Variants in ZNF236 observed in about 807,000 individuals in gnomAD.
ZNF236 encodes the protein regulated by glucose.
Under a neutral mutation model 191.2 loss-of-function variants are expected in ZNF236, and 50 were observed. The ratio of observed to expected loss-of-function variants is 0.26; its 90% CI spans 0.21 to 0.33. The LOEUF is 0.33. Ranked by LOEUF, ZNF236 falls within the 10% of genes least tolerant of loss-of-function variation. ZNF236 has a pLI of 1.00. For missense variants in ZNF236, 1,754 were observed against 2,374.5 expected, an observed-to-expected ratio of 0.74 and a Z score of 5.43; for synonymous variants, 907 against 928.8, an observed-to-expected ratio of 0.98 and a Z score of 0.43.
intron 1 of ZNF236, among the ~76,000 whole-genome samples, chr18:76,829,401 C>T (rs1299685710): frequency 1.3e-5 from 2 of 151,360 alleles, no homozygotes; most frequent in Non-Finnish European, 2.9e-5. Flanking sequence ...GATCTCGGCT[C>T]ACTGTAATCT....
intron 26 of ZNF236, among the ~76,000 whole-genome samples, chr18:76,942,517 T>A (rs1265966796): frequency 6.6e-6 from 1 of 151,836 alleles, no homozygotes; most frequent in African/African-American, 2.4e-5. Flanking sequence ...TTTATTTTTT[T>A]ATTATTTTTT....
intron 3 of ZNF236, among the ~76,000 whole-genome samples, chr18:76,868,244 C>T (rs1568203545): frequency 6.6e-6 from 1 of 152,130 alleles, no homozygotes. Context: ...GGTCTATCTA[C>T]TAAAAACTTG....
chr18:76,839,847 CAG>C (rs1432374488), intron 1 of ZNF236, among the ~76,000 whole-genome samples: 2 of 152,114 alleles, frequency 1.3e-5, no homozygotes, highest in East Asian at 1.9e-4. Context: ...GAGGTGAAAA[CAG>C]AATAATGGCA....
intron 1 of ZNF236, among the ~76,000 whole-genome samples, chr18:76,830,585 T>C (rs1212885942): frequency 1.3e-5 from 2 of 152,100 alleles, no homozygotes; most frequent in African/African-American, 4.8e-5. Context: ...TTGGAAGAAC[T>C]GTCTTGGGCC....
intron 10 of ZNF236, among the ~76,000 whole-genome samples, chr18:76,897,621 A>ATG (rs1227059630): frequency 2.6e-5 from 4 of 152,066 alleles, no homozygotes; most frequent in Non-Finnish European, 5.9e-5. Flanking sequence ...GGCATCATGC[A>ATG]CAGTACCAAA....
intron 22 of ZNF236, among the ~76,000 whole-genome samples, chr18:76,926,447 G>A (rs550007068): frequency 6.6e-6 from 1 of 152,164 alleles, no homozygotes; most frequent in East Asian, 1.9e-4. Flanking sequence ...TAGGTTTCTG[G>A]GGTGATTAGA....
chr18:76,905,266 G>A lies in ZNF236; in HGVS notation c.2148G>A (p.Lys716=), dbSNP rs777008744. The change falls in exon 13 of 31, where the codon AAG becomes AAA. Residue 716 remains lysine (K), a synonymous_variant. Coordinates refer to ENST00000320610, the MANE Select transcript of ZNF236 (RefSeq NM_001306089.2). The stretch of plus-strand genomic sequence containing the variant: ...CACACACAGGACTGAAATCTTTCAA[G>A]TGTCTGATATGTAATGGGGCTTTCA... The part of the protein sequence containing the change: ...IRTHTGLKSF[K]CLICNGAFTT... The A allele has an allele frequency of 1.2e-6, 2 of 1,614,094 alleles. No individual in the cohort carries two copies. Among genetic ancestry groups the A allele is most frequent in the South Asian group, 1.1e-5 (1 of 91,092 alleles).
At chr18:76,825,473 G>C (rs902344367) in intron 1 of ZNF236, among the ~76,000 whole-genome samples, 1 of 152,158 alleles carries the variant, frequency 6.6e-6, no homozygotes, top group South Asian at 2.1e-4. Flanking sequence ...GCCTAAGAGT[G>C]AGGCTGTATT....
At chr18:76,902,334 G>T (rs1568220832) in intron 11 of ZNF236, among the ~76,000 whole-genome samples, 1 of 152,166 alleles carries the variant, frequency 6.6e-6, no homozygotes, top group Non-Finnish European at 1.5e-5. Context: ...ATAAAAACAT[G>T]GTAAGGAGAG....
chr18:76,901,973 C>T (rs1320837472), intron 11 of ZNF236, among the ~76,000 whole-genome samples: 2 of 152,174 alleles, frequency 1.3e-5, no homozygotes, highest in African/African-American at 4.8e-5. Context: ...TCAAGTTGTA[C>T]ACCCATGGGT....
intron 1 of ZNF236, among the ~76,000 whole-genome samples, chr18:76,836,516 C>T (rs777522633): frequency 6.6e-6 from 1 of 151,856 alleles, no homozygotes; most frequent in Non-Finnish European, 1.5e-5. Flanking sequence ...ATGCCTGGCC[C>T]TTTTCTCCTT....
chr18:76,918,307 T>G (rs1967430994), intron 19 of ZNF236, among the ~76,000 whole-genome samples: 1 of 152,240 alleles, frequency 6.6e-6, no homozygotes, highest in Non-Finnish European at 1.5e-5. Flanking sequence ...AATCTGCAGA[T>G]GCTGAAGTTC....
Position 76,905,083 on chromosome 18 carries a change from A to C in ZNF236, c.2037-72A>C, listed in dbSNP as rs1698979720. The C allele has an allele frequency of 7.8e-6, 11 of 1,404,704 alleles. No homozygotes were observed. In the South Asian group the frequency reaches 1.4e-4, roughly 18 times the overall value. The allele number at this position is 1,404,704 out of a possible 1,614,324, so 87.0% of individuals were successfully genotyped here. A position where few individuals can be genotyped will look rare whatever the true frequency, so the allele number is the denominator to read the frequency against. On this transcript the variant is annotated intron_variant, in intron 12 of 30. Transcript: ENST00000320610. ...ATGATGAAGTGAAGCGAAATGCAAGAGTGCATTCTAGTCACAAAGCATTAT... is the reference window on the plus strand; with the variant it reads ...ATGATGAAGTGAAGCGAAATGCAAGCGTGCATTCTAGTCACAAAGCATTAT...
In ZNF236 at chr18:76,907,767, C is replaced by T. The variant is rs537998120; in HGVS notation, c.2298-553C>T. On this transcript the variant is annotated intron_variant, in intron 13 of 30. Transcript: ENST00000320610. ...TCATCTTTTCCTTTGAAAGAGAAAT[C>T]GTTGACTTTGATGAATGCTGGATAC... Among the ~76,000 whole-genome samples, 48 of 148,830 alleles carry T rather than the reference C, an allele frequency of 3.2e-4. No homozygotes were observed. In the South Asian group the frequency reaches 3.4e-3, roughly 10 times the overall value.
chr18:76,832,801 A>G (rs943249221), intron 1 of ZNF236, among the ~76,000 whole-genome samples: 2 of 152,164 alleles, frequency 1.3e-5, no homozygotes, highest in Admixed American at 6.5e-5. Context: ...TATTGACTCT[A>G]TAGATAATGT....
At chr18:76,857,008 C>G (rs1337887797) in intron 3 of ZNF236, among the ~76,000 whole-genome samples, 1 of 152,230 alleles carries the variant, frequency 6.6e-6, no homozygotes, top group African/African-American at 2.4e-5. Context: ...CACACTGATG[C>G]TGCAGTGTAG....
intron 4 of ZNF236, 59 bp downstream of exon 4, chr18:76,868,922 A>C (rs1976505063): frequency 6.7e-7 from 1 of 1,482,878 alleles, no homozygotes. Flanking sequence ...AAGCTGGCGC[A>C]CTTTGGTACG....
chr18:76,937,077 G>A (rs564096868), intron 25 of ZNF236, 79 bp from the exon 26 acceptor site: 10 of 1,352,586 alleles, frequency 7.4e-6, no homozygotes, highest in African/African-American at 5.7e-5. Context: ...CTGCAGGTGG[G>A]AGCATCGCTC....
chr18:76,857,048 C>G (rs545978402), intron 3 of ZNF236, among the ~76,000 whole-genome samples: 1 of 152,272 alleles, frequency 6.6e-6, no homozygotes, highest in East Asian at 1.9e-4. Context: ...CCTGCCTCCC[C>G]CTAGTTCCCA....
Sources: gnomAD v4.1 joint callset for allele counts (sites outside exome capture counted in the v4.1 genomes callset) on GRCh38, gnomAD v4.1.1 for gene constraint, MANE v1.5 for transcripts, NCBI Gene and HGNC (gene_info 2026-07-23, HGNC 2026-07-21) for gene names.